PKIB: variants seen among roughly 807,000 people sequenced by gnomAD.
The protein encoded by PKIB is PKI-beta.
A neutral mutation model predicts 4.5 loss-of-function variants in PKIB; 2 were observed. That is an observed-to-expected ratio of 0.44 (90% confidence interval 0.18 to 1.39). PKIB has a LOEUF of 1.39. Among genes scored for constraint, PKIB ranks in the 40% most tolerant of loss-of-function variants. PKIB has a pLI of 0.27. For synonymous variants in PKIB, 38 were observed against 36.0 expected, an observed-to-expected ratio of 1.06 and a Z score of -0.20; for missense variants, 94 against 92.6, an observed-to-expected ratio of 1.02 and a Z score of -0.06.
chr6:122,490,295 G>T (rs1476164710), intron 2 of PKIB, among the ~76,000 whole-genome samples: 1 of 152,164 alleles, frequency 6.6e-6, no homozygotes, highest in Non-Finnish European at 1.5e-5. Context: ...TCTTCAGGAA[G>T]GAGGCTCTGA....
intron 3 of PKIB, among the ~76,000 whole-genome samples, chr6:122,586,297 G>C (rs1432320703): frequency 6.6e-6 from 1 of 152,082 alleles, no homozygotes; most frequent in Non-Finnish European, 1.5e-5. Context: ...TTCATTATTT[G>C]TGTTGTGATT....
chr6:122,476,903 G>A (rs1042373738), intron 1 of PKIB, among the ~76,000 whole-genome samples: 5 of 152,064 alleles, frequency 3.3e-5, no homozygotes, highest in Non-Finnish European at 5.9e-5. Context: ...CAACTAGTTC[G>A]ATTTGGCACT....
At chr6:122,655,929 CAAAAACTTA>C (rs997801901) in intron 2 of PKIB, among the ~76,000 whole-genome samples, 1 of 151,972 alleles carries the variant, frequency 6.6e-6, no homozygotes, top group Non-Finnish European at 1.5e-5. Flanking sequence ...AGCTTTGAAA[CAAAAACTTA>C]AAAAGGTGCT....
At chr6:122,710,139 T>G (rs1049172484) in intron 3 of PKIB, among the ~76,000 whole-genome samples, 15 of 152,178 alleles carry the variant, frequency 9.9e-5, no homozygotes, top group Non-Finnish European at 2.1e-4. Flanking sequence ...AGCAGATATG[T>G]TCCAGTCTCT....
At chr6:122,494,101 G>A (rs1261302100) in intron 2 of PKIB, among the ~76,000 whole-genome samples, 1 of 151,560 alleles carries the variant, frequency 6.6e-6, no homozygotes, top group Non-Finnish European at 1.5e-5. Context: ...CTTTATATAC[G>A]GCCAAGTTAA....
At position 122,544,704 on chromosome 6, in the gene PKIB, A is replaced by G. The variant is rs529278079; in HGVS notation, c.-247-41217A>G. ...GAAAAATTATCAACAGAGTGAACAG[A>G]CAACCTAAAGAATGGGAGAAAATAT... On this transcript the variant is annotated intron_variant, in intron 2 of 6. Transcript: ENST00000392491. 2.0e-5 allele frequency among the ~76,000 whole-genome samples: 3 copies of G among 152,212 alleles called. No individual in the cohort carries two copies. The East Asian group carries it at 5.8e-4, about 29-fold the overall frequency.
chr6:122,665,008 A>G (rs1445555311), intron 2 of PKIB, among the ~76,000 whole-genome samples: 3 of 152,230 alleles, frequency 2.0e-5, no homozygotes, highest in Non-Finnish European at 2.9e-5. Flanking sequence ...AATGGCAGCC[A>G]TGAAGTATAC....
intron 2 of PKIB, among the ~76,000 whole-genome samples, chr6:122,506,850 C>G (rs1411017835): frequency 4.0e-5 from 6 of 150,824 alleles, no homozygotes; most frequent in Admixed American, 2.0e-4. Context: ...CAGGCGCCCA[C>G]CATCACGCCC....
intron 2 of PKIB, among the ~76,000 whole-genome samples, chr6:122,579,303 T>C (rs1164940960): frequency 6.6e-6 from 1 of 152,178 alleles, no homozygotes; most frequent in Non-Finnish European, 1.5e-5. Context: ...ATCTTTGCAA[T>C]TGTGTTTGCG....
intron 3 of PKIB, among the ~76,000 whole-genome samples, chr6:122,601,637 A>G (rs903570101): frequency 3.9e-5 from 6 of 152,150 alleles, no homozygotes; most frequent in South Asian, 4.1e-4. Context: ...AATCAACATG[A>G]AGATGATGAG....
chr6:122,679,676 T>A (rs760092510), intron 3 of PKIB, among the ~76,000 whole-genome samples: 7 of 152,164 alleles, frequency 4.6e-5, no homozygotes, highest in Non-Finnish European at 8.8e-5. Flanking sequence ...GGTGTTCACT[T>A]GCAGGAAAAT....
chr6:122,692,088 G>T (rs1778379362), intron 3 of PKIB, among the ~76,000 whole-genome samples: 1 of 152,218 alleles, frequency 6.6e-6, no homozygotes, highest in Admixed American at 6.5e-5. Flanking sequence ...TGGAAGAAGG[G>T]TGACACAAGC....
chr6:122,505,848 A>G, intron 2 of PKIB, among the ~76,000 whole-genome samples: 1 of 152,284 alleles, frequency 6.6e-6, no homozygotes, highest in Non-Finnish European at 1.5e-5. Flanking sequence ...TTTCATTTAA[A>G]TAACAGTCTA....
chr6:122,662,361 G>A (rs1446323723), intron 2 of PKIB, among the ~76,000 whole-genome samples: 2 of 48,088 alleles, frequency 4.2e-5, no homozygotes, highest in African/African-American at 1.4e-4. Flanking sequence ...TGTTGTCCAG[G>A]CTGGAGTGCA....
chr6:122,696,467 T>A (rs1778575722), intron 3 of PKIB, among the ~76,000 whole-genome samples: 1 of 152,180 alleles, frequency 6.6e-6, no homozygotes, highest in Admixed American at 6.5e-5. Context: ...AAGAGGACTA[T>A]CCCTCACTTC....
chr6:122,629,556 G>T (rs1233582157), intron 1 of PKIB, among the ~76,000 whole-genome samples: 1 of 152,142 alleles, frequency 6.6e-6, no homozygotes, highest in African/African-American at 2.4e-5. Flanking sequence ...TACACATAGT[G>T]ACTTCTTTCC....
intron 3 of PKIB, among the ~76,000 whole-genome samples, chr6:122,591,172 C>CCT (rs1256131590): frequency 6.7e-6 from 1 of 150,358 alleles, no homozygotes; most frequent in South Asian, 2.1e-4. Flanking sequence ...AAGGTCCCCC[C>CCT]CCACATCTAA....
In PKIB at chr6:122,683,313, G is replaced by A. The variant is rs559480686; in HGVS notation, c.-9+8169G>A. ...CCTCAGGAATCTTCCAATCATGGTA[G>A]AAGGCAAAGGGGGAACAGTCATGTC... On this transcript the variant is annotated intron_variant, in intron 3 of 4. Coordinates refer to ENST00000368452, the MANE Select transcript of PKIB (RefSeq NM_181795.3). 3.9e-5 allele frequency among the ~76,000 whole-genome samples: 6 copies of A among 152,242 alleles called. 1 individual carries two copies. In the South Asian group the frequency reaches 1.2e-3, roughly 32 times the overall value.
chr6:122,538,154 T>G (rs1454544713), intron 2 of PKIB, among the ~76,000 whole-genome samples: 1 of 152,128 alleles, frequency 6.6e-6, no homozygotes, highest in Admixed American at 6.5e-5. Context: ...TGGTAGTTTC[T>G]TTTGCTGTGC....
Sources: gnomAD v4.1 joint callset for allele counts (sites outside exome capture counted in the v4.1 genomes callset) on GRCh38, gnomAD v4.1.1 for gene constraint, MANE v1.5 for transcripts, NCBI Gene and HGNC (gene_info 2026-07-23, HGNC 2026-07-21) for gene names.